The following ALG12 variants were observed in gnomAD, a reference collection of about 807,000 sequenced individuals.
ALG12 encodes ALG12 alpha-1,6-mannosyltransferase.
Under a neutral mutation model 46.0 loss-of-function variants are expected in ALG12, and 36 were observed. The ratio of observed to expected loss-of-function variants is 0.78; its 90% CI spans 0.60 to 1.03. The LOEUF is 1.03. ALG12 is among the 50% of genes least tolerant of loss of function. The pLI, the probability that ALG12 is intolerant of heterozygous loss-of-function variation, is 0.00. For missense variants in ALG12, 599 were observed against 633.5 expected (o/e 0.95, Z 0.58); for synonymous variants, 326 against 291.6 (o/e 1.12, Z -1.20).
At chr22:49,874,325 T>A in the ALG12 span, among the ~76,000 whole-genome samples, 2 of 152,196 alleles carry the variant, frequency 1.3e-5, no homozygotes, top group Non-Finnish European at 2.9e-5. Flanking sequence ...TGTTGGCAAA[T>A]GTTTTTCTAC....
chr22:49,873,004 A>T, the ALG12 span, among the ~76,000 whole-genome samples: 1 of 151,874 alleles, frequency 6.6e-6, no homozygotes, highest in African/African-American at 2.4e-5. Flanking sequence ...CCAATGTTTT[A>T]ATTTTTTGTA....
the ALG12 span, chr22:49,884,386 T>G: frequency 6.2e-7 from 1 of 1,612,890 alleles, no homozygotes; most frequent in Non-Finnish European, 8.5e-7. Context: ...CATGTCCGTT[T>G]CGGAGAAGTG....
the ALG12 span, among the ~76,000 whole-genome samples, chr22:49,890,888 G>A: frequency 6.6e-6 from 1 of 152,142 alleles, no homozygotes; most frequent in African/African-American, 2.4e-5. Context: ...GGGCGTGGTG[G>A]CAGGCACCTC....
At chr22:49,917,411 C>G (rs2060618068) in intron 1 of ALG12, among the ~76,000 whole-genome samples, 1 of 152,226 alleles carries the variant, frequency 6.6e-6, no homozygotes, top group African/African-American at 2.4e-5. Flanking sequence ...TGGCTCACGC[C>G]TGTAACCCTA....
At chr22:49,863,352 G>C in the ALG12 span, among the ~76,000 whole-genome samples, 3 of 152,192 alleles carry the variant, frequency 2.0e-5, no homozygotes, top group African/African-American at 7.2e-5. Context: ...TTGTAGGCCG[G>C]GTGTGGTGGC....
the ALG12 span, among the ~76,000 whole-genome samples, chr22:49,879,620 T>G: frequency 1.4e-5 from 2 of 140,764 alleles, no homozygotes; most frequent in African/African-American, 5.0e-5. Flanking sequence ...GGTTGGTTTT[T>G]CTCCTGGTCA....
At chr22:49,907,347 G>A (rs77619365) in intron 7 of ALG12, among the ~76,000 whole-genome samples, 7,618 of 152,244 alleles carry the variant, frequency 0.05, 603 homozygotes, top group African/African-American at 0.17. Flanking sequence ...ATTAACCCAA[G>A]ACAGAGACCA....
the ALG12 span, among the ~76,000 whole-genome samples, chr22:49,894,143 C>T: frequency 1.1e-4 from 17 of 152,096 alleles, no homozygotes; most frequent in Non-Finnish European, 1.9e-4. Context: ...CTAGCCTGGG[C>T]GACAGAGCAA....
the ALG12 span, chr22:49,884,862 C>T: frequency 5.0e-5 from 80 of 1,609,060 alleles, no homozygotes; most frequent in East Asian, 1.7e-3. Flanking sequence ...TGCAGTCTCA[C>T]TTGAACCCTG....
At chr22:49,889,013 T>C in the ALG12 span, 1 of 167,276 alleles carries the variant, frequency 6.0e-6, no homozygotes, top group Non-Finnish European at 1.5e-5. Flanking sequence ...CTTAGAATTT[T>C]GGGATATTGA....
the ALG12 span, chr22:49,889,967 G>C: frequency 6.0e-6 from 1 of 167,152 alleles, no homozygotes; most frequent in East Asian, 1.9e-4. Flanking sequence ...CCTCAGAACT[G>C]TCTCTTCAGT....
At position 49,903,828 on chromosome 22, in the gene ALG12, C is replaced by T; in HGVS notation, c.*10G>A. ...AAGGCCTGTGGCTGCTGAGGGCTGC[C>T]TGGTCCCCCTCAGGACGGCCGGGGG... On this transcript the variant is annotated 3_prime_UTR_variant, in exon 10 of 10. Coordinates refer to ENST00000330817, the MANE Select transcript of ALG12 (RefSeq NM_024105.4). 6.2e-7 allele frequency: 1 copy of T among 1,614,110 alleles called. No individual in the cohort carries two copies. The highest frequency in any genetic ancestry group is 8.5e-7 in the Non-Finnish European group (1 of 1,179,964).
At chr22:49,898,086 ACCT>A (rs1025008228), downstream of ALG12, among the ~76,000 whole-genome samples, 7 of 149,384 alleles carry the variant, frequency 4.7e-5, no homozygotes, top group African/African-American at 1.5e-4. Context: ...CCCAGCCTTG[ACCT>A]CCTGGGCTCA....
the ALG12 span, among the ~76,000 whole-genome samples, chr22:49,875,728 T>C: frequency 6.6e-6 from 1 of 152,160 alleles, no homozygotes. Flanking sequence ...GCTTGTCCAT[T>C]TCATCTGAGT....
At chr22:49,912,750 C>T (rs184260253) in intron 3 of ALG12, among the ~76,000 whole-genome samples, 1 of 152,216 alleles carries the variant, frequency 6.6e-6, no homozygotes, top group Admixed American at 6.5e-5. Flanking sequence ...GCCTGTAATC[C>T]CAGCACTGTG....
At chr22:49,912,714 T>C (rs1031902790) in intron 3 of ALG12, among the ~76,000 whole-genome samples, 1 of 152,106 alleles carries the variant, frequency 6.6e-6, no homozygotes, top group Admixed American at 6.5e-5. Context: ...AAAACTCAGG[T>C]TGTGTGACTG....
At chr22:49,910,871 C>T (rs2060573031) in intron 3 of ALG12, among the ~76,000 whole-genome samples, 1 of 152,144 alleles carries the variant, frequency 6.6e-6, no homozygotes, top group Admixed American at 6.5e-5. Context: ...GGAGGACACA[C>T]AACTTGGGGG....
the ALG12 span, among the ~76,000 whole-genome samples, chr22:49,868,164 A>T: frequency 6.6e-6 from 1 of 152,186 alleles, no homozygotes. Context: ...AGACCTTGTC[A>T]GTCTTCTTTT....
At chr22:49,884,883 G>C in the ALG12 span, 120 of 1,605,094 alleles carry the variant, frequency 7.5e-5, 1 homozygote, top group African/African-American at 1.4e-3. Context: ...GAGATGGGCT[G>C]ATGGAAGACG....
Sources: gnomAD v4.1 joint callset for allele counts (sites outside exome capture counted in the v4.1 genomes callset) on GRCh38, gnomAD v4.1.1 for gene constraint, MANE v1.5 for transcripts, NCBI Gene and HGNC (gene_info 2026-07-23, HGNC 2026-07-21) for gene names.